RBKS: variants seen among roughly 807,000 people sequenced by gnomAD.
RBKS encodes ribokinase.
In RBKS, 33 loss-of-function variants were observed where a neutral mutation model predicts 33.9. That is an observed-to-expected ratio of 0.97 (90% CI 0.74 to 1.30). The LOEUF (loss-of-function observed/expected upper bound fraction) is 1.30. RBKS is among the 50% of genes most tolerant of loss of function. RBKS has a pLI of 0.00. For missense variants in RBKS, 361 were observed against 392.6 expected (o/e 0.92, Z 0.68); for synonymous variants, 125 against 143.0 (o/e 0.87, Z 0.90).
At chr2:27,817,824 G>A (rs1358583879) in intron 7 of RBKS, among the ~76,000 whole-genome samples, 2 of 152,192 alleles carry the variant, frequency 1.3e-5, no homozygotes, top group South Asian at 2.1e-4. Flanking sequence ...AGGGAAGGGA[G>A]AAGAGCCCCT....
intron 7 of RBKS, among the ~76,000 whole-genome samples, chr2:27,818,411 GCAGACTGT>G (rs1678138912): frequency 6.6e-6 from 1 of 152,200 alleles, no homozygotes; most frequent in Non-Finnish European, 1.5e-5. Context: ...TGAAGACTAG[GCAGACTGT>G]CACCAAATCA....
intron 1 of RBKS, among the ~76,000 whole-genome samples, chr2:27,884,737 T>C (rs1040296809): frequency 1.3e-5 from 2 of 152,214 alleles, no homozygotes; most frequent in East Asian, 1.9e-4. Flanking sequence ...TCACTTTTAA[T>C]TGGCAGCATG....
intron 1 of RBKS, among the ~76,000 whole-genome samples, chr2:27,872,230 T>C (rs958272711): frequency 2.6e-5 from 4 of 152,182 alleles, no homozygotes; most frequent in African/African-American, 9.7e-5. Flanking sequence ...AAAAATAGTG[T>C]TCTAAAGAGC....
rs1480052275 is a variant in RBKS at position 27,800,086 on chromosome 2, T to A, written c.796-18298A>T. On this transcript the variant is annotated intron_variant, in intron 7 of 7. Coordinates refer to ENST00000302188, the MANE Select transcript of RBKS (RefSeq NM_022128.3). ...TTTTTTTTTTGAGATCGGCTCTTGC[T>A]CTGTCACCCAGGTTGGGTTACAGTG... 2.8e-5 allele frequency among the ~76,000 whole-genome samples: 4 copies of A among 143,626 alleles called. 1 individual carries two copies. Among genetic ancestry groups the A allele is most frequent in the Admixed American group, 2.2e-4 (3 of 13,768 alleles). The allele number at this position is 143,626 out of a possible 152,430, so 94.2% of individuals were successfully genotyped here.
In RBKS at chr2:27,810,161, T is replaced by C. The variant is rs1021907576; in HGVS notation, c.795+17406A>G. The C allele has an allele frequency of 4.1e-6, 5 of 1,233,564 alleles. No individual in the cohort carries two copies. The highest frequency in any genetic ancestry group is 5.3e-6 in the Non-Finnish European group (5 of 949,968). 76.4% of individuals were successfully genotyped at this position (1,233,564 alleles called of 1,614,324 possible). ...GTCTTGGCTGGTGCACCTGGTATAT[T>C]TGTCTACACAACCCAAATTCGTCAT... On this transcript the variant is annotated intron_variant, in intron 7 of 7. Transcript: ENST00000302188. This position sits in a 1 kb window ranked among gnomAD's most constrained non-coding sequence, Gnocchi z 4.4.
chr2:27,828,939 C>G (rs1678370659), intron 6 of RBKS, among the ~76,000 whole-genome samples: 1 of 152,150 alleles, frequency 6.6e-6, no homozygotes, highest in African/African-American at 2.4e-5. Flanking sequence ...ATTACTCCAG[C>G]TGGAGTGCTG....
chr2:27,800,049 CTTTT>C (rs35932747), intron 7 of RBKS, among the ~76,000 whole-genome samples: 1 of 112,366 alleles, frequency 8.9e-6, no homozygotes, highest in Non-Finnish European at 1.8e-5. Context: ...TGTTAGGTGT[CTTTT>C]TTTTTTTTTT....
chr2:27,796,200 A>G (rs978292130), intron 7 of RBKS, among the ~76,000 whole-genome samples: 1 of 151,708 alleles, frequency 6.6e-6, no homozygotes, highest in South Asian at 2.1e-4. Context: ...CATCTTCGGT[A>G]TAACTATTTT....
intron 7 of RBKS, among the ~76,000 whole-genome samples, chr2:27,807,233 T>C (rs1224604202): frequency 1.3e-5 from 2 of 152,196 alleles, no homozygotes; most frequent in Non-Finnish European, 2.9e-5. Context: ...TTGCACAAAT[T>C]TACATTGTGA....
chr2:27,837,363 T>C lies in RBKS; in HGVS notation c.515-4586A>G, dbSNP rs1032385828. 3.3e-5 allele frequency among the ~76,000 whole-genome samples: 5 copies of C among 152,208 alleles called. No homozygotes were observed. Among genetic ancestry groups the C allele is most frequent in the African/African-American group, 9.6e-5 (4 of 41,458 alleles). Reference sequence around the variant, plus strand: ...GGCTGCAGAGAGAAGGAAACACTTATACACTGTTGGCAGGAATGTAACTTA... The same window carrying C: ...GGCTGCAGAGAGAAGGAAACACTTACACACTGTTGGCAGGAATGTAACTTA... On this transcript the variant is annotated intron_variant, in intron 5 of 7. Transcript: ENST00000302188. The surrounding 1 kb of genome is among the most constrained non-coding windows in gnomAD (Gnocchi z 4.0).
chr2:27,840,364 G>GCACACACACA (rs70953891), intron 5 of RBKS, among the ~76,000 whole-genome samples: 1 of 130,076 alleles, frequency 7.7e-6, no homozygotes. Context: ...ACGCGCGCGC[G>GCACACACACA]CACACACACA....
At chr2:27,843,558 T>C (rs1017659440) in intron 4 of RBKS, among the ~76,000 whole-genome samples, 7 of 152,178 alleles carry the variant, frequency 4.6e-5, no homozygotes, top group African/African-American at 1.7e-4. Flanking sequence ...AGCTAGTATA[T>C]GTATGCGGTA....
chr2:27,817,879 G>C lies in RBKS; in HGVS notation c.795+9688C>G, dbSNP rs559214162. Among the ~76,000 whole-genome samples, 9 of 152,266 alleles carry C rather than the reference G, an allele frequency of 5.9e-5. No individual in the cohort carries two copies. The South Asian group carries it at 1.9e-3, about 32-fold the overall frequency. On this transcript the variant is annotated intron_variant, in intron 7 of 7. Coordinates refer to ENST00000302188, the MANE Select transcript of RBKS (RefSeq NM_022128.3). ...GTGAGAACTCACTATCACAAGAATA[G>C]CATGGCGAAAAGTGCCCCCATAATC...
At chr2:27,806,694 T>G (rs529494935) in intron 7 of RBKS, among the ~76,000 whole-genome samples, 2 of 152,336 alleles carry the variant, frequency 1.3e-5, no homozygotes, top group African/African-American at 2.4e-5. Flanking sequence ...GAAACTTCTC[T>G]TTCAGTACCT....
intron 1 of RBKS, among the ~76,000 whole-genome samples, chr2:27,865,181 G>A (rs537667966): frequency 1.7e-4 from 26 of 152,126 alleles, no homozygotes; most frequent in Non-Finnish European, 3.2e-4. Context: ...TTAGCCAGGC[G>A]TGGTGGCAGG....
intron 1 of RBKS, among the ~76,000 whole-genome samples, chr2:27,880,668 C>CA (rs1664401545): frequency 6.6e-6 from 1 of 151,994 alleles, no homozygotes; most frequent in African/African-American, 2.4e-5. Flanking sequence ...CCACAATTAC[C>CA]ACATACACAA....
chr2:27,820,963 C>G (rs201195448), intron 7 of RBKS, among the ~76,000 whole-genome samples: 3 of 142,006 alleles, frequency 2.1e-5, no homozygotes, highest in Non-Finnish European at 4.5e-5. Flanking sequence ...TCGCTTGAAC[C>G]GGGGAGGCAG....
intron 2 of RBKS, among the ~76,000 whole-genome samples, chr2:27,852,145 G>C (rs1044757209): frequency 6.6e-6 from 1 of 152,154 alleles, no homozygotes; most frequent in Non-Finnish European, 1.5e-5. Context: ...GCTCAGTTCC[G>C]CCCTGAATAT....
rs1211074583 is a variant in RBKS at position 27,861,937 on chromosome 2, G to A, written c.90-3366C>T. Among the ~76,000 whole-genome samples the A allele has an allele frequency of 6.7e-5, 10 of 149,644 alleles. No homozygotes were observed. The South Asian group carries it at 8.5e-4, about 13-fold the overall frequency. Reference sequence around the variant, plus strand: ...TGGGATTACAGGTGTGATCCATGGCGCCTGGCCTGATTTTTTTTTTTTTTT... The same window carrying A: ...TGGGATTACAGGTGTGATCCATGGCACCTGGCCTGATTTTTTTTTTTTTTT... On this transcript the variant is annotated intron_variant, in intron 1 of 7. Coordinates refer to ENST00000302188, the MANE Select transcript of RBKS (RefSeq NM_022128.3).
Sources: allele counts gnomAD v4.1 joint callset (sites outside exome capture counted in the v4.1 genomes callset), GRCh38; gene constraint gnomAD v4.1.1; non-coding constraint Gnocchi (gnomAD v3.1); transcripts MANE v1.5; gene names NCBI Gene and HGNC (gene_info 2026-07-23, HGNC 2026-07-21).